LACC1: variants seen among roughly 807,000 people sequenced by gnomAD.
LACC1 encodes the protein laccase domain multifunctional purine nucleosidase 1, also known as purine nucleoside phosphorylase LACC1.
LACC1 carries 25 observed loss-of-function variants against 34.8 expected under a neutral mutation model. The ratio of observed to expected loss-of-function variants is 0.72; its 90% CI spans 0.52 to 1.00. The LOEUF (loss-of-function observed/expected upper bound fraction) is 1.00. Ranked by LOEUF, LACC1 falls within the 50% of genes least tolerant of loss-of-function variation. The probability of loss-of-function intolerance (pLI) is 0.00; values close to 1 mark genes in which losing one functional copy is unlikely to be tolerated. For synonymous variants in LACC1, 162 were observed against 168.0 expected, an observed-to-expected ratio of 0.96 and a Z score of 0.28; for missense variants, 426 against 511.2, an observed-to-expected ratio of 0.83 and a Z score of 1.61.
At chr13:43,887,383 T>C (rs1178742418) in intron 4 of LACC1, among the ~76,000 whole-genome samples, 2 of 152,128 alleles carry the variant, frequency 1.3e-5, no homozygotes, top group Admixed American at 6.6e-5. Context: ...GGGTACTCAT[T>C]ATTGGCCAAC....
rs776129054 is a variant in LACC1, at chr13:43,881,446, C to T, written c.461C>T (p.Ala154Val). The change falls in exon 2 of 7, where the codon GCT (alanine) becomes GTT (valine). Residue 154 changes from alanine (A) to valine (V), a missense_variant. Around this residue, in one of 2 missense-constraint regions of LACC1, gnomAD observed 217 missense variants for 210.9 expected, o/e 1.03. Transcript: ENST00000325686. The stretch of plus-strand genomic sequence containing the variant: ...TCCATTGAAATAAACGTAATCACAG[C>T]TCAAGAACTAAGAGGAATTCAGAAT... The part of the protein sequence containing the change: ...KQSIEINVIT[A>V]QELRGIQNEI... 1 of 1,613,964 alleles carries T rather than the reference C, an allele frequency of 6.2e-7. No individual in the cohort carries two copies. Among genetic ancestry groups the T allele is most frequent in the Admixed American group, 1.7e-5 (1 of 60,014 alleles).
Position 43,883,810 on chromosome 13 carries a change from G to C in LACC1, c.781G>C (p.Glu261Gln). 1 of 1,613,364 alleles carries C rather than the reference G, an allele frequency of 6.2e-7. No individual in the cohort carries two copies. Among genetic ancestry groups the C allele is most frequent in the Non-Finnish European group, 8.5e-7 (1 of 1,179,510 alleles). The part of the protein sequence containing the change: ...SNDIWIMGRK[E>Q]PDSYDGITTN... Reference sequence around the variant, plus strand: ...TGACATCTGGATTATGGGAAGAAAGGAGCCTGACTCTTATGATGGAATAAC... The same window carrying C: ...TGACATCTGGATTATGGGAAGAAAGCAGCCTGACTCTTATGATGGAATAAC... The change falls in exon 4 of 7, where the codon GAG becomes CAG. Residue 261 changes from glutamate to glutamine, a missense_variant. Transcript: ENST00000325686.
chr13:43,881,784 A>T (rs4942256), intron 2 of LACC1, among the ~76,000 whole-genome samples: 78,613 of 151,960 alleles, frequency 0.52, 20,787 homozygotes, highest in East Asian at 0.66. Context: ...AAATTTGATG[A>T]TGAGACAAAT....
chr13:43,881,526 A>G lies in LACC1; in HGVS notation c.541A>G (p.Ile181Val). Reference sequence around the variant, plus strand: ...AGCACTGAGAGGAAAATTAACTATTATCACTTCTTCTTTGATCCCAGGTAT... The same window carrying G: ...AGCACTGAGAGGAAAATTAACTATTGTCACTTCTTCTTTGATCCCAGGTAT... ...LPALRGKLTI[I>V]TSSLIPDIFI... Residue 181 changes from isoleucine (I) to valine (V), a missense_variant, in exon 2 of 7, where the codon ATC (isoleucine) becomes GTC (valine). Physicochemically the swap from Ile to Val is conservative, Grantham distance 29 (BLOSUM62 3). Transcript: ENST00000325686. 1 of 1,604,798 alleles carries G rather than the reference A, an allele frequency of 6.2e-7. No homozygotes were observed. Among genetic ancestry groups the G allele is most frequent in the Non-Finnish European group, 8.5e-7 (1 of 1,176,820 alleles).
chr13:43,886,117 G>A (rs748917640), intron 4 of LACC1, among the ~76,000 whole-genome samples: 3 of 152,196 alleles, frequency 2.0e-5, no homozygotes, highest in Non-Finnish European at 4.4e-5. Flanking sequence ...AGATGTTGGT[G>A]AGATTGTGGA....
intron 5 of LACC1, among the ~76,000 whole-genome samples, chr13:43,889,466 T>C: frequency 6.6e-6 from 1 of 152,214 alleles, no homozygotes; most frequent in Admixed American, 6.5e-5. Flanking sequence ...ATCTTTTAAT[T>C]TACAAGGTTT....
At position 43,892,170 on chromosome 13, in the gene LACC1, T is replaced by C. The variant is rs186071597; in HGVS notation, c.*723T>C. ...AGCTTGCAGTTTATTTTCCAGGCAA[T>C]GAGTAGGCAGCCAAAAAAAAAAAAG... On this transcript the variant is annotated 3_prime_UTR_variant, in exon 7 of 7. Coordinates refer to ENST00000325686, the MANE Select transcript of LACC1 (RefSeq NM_153218.4). The C allele has an allele frequency of 1.0e-4, 15 of 144,066 alleles. No individual in the cohort carries two copies. The East Asian group carries it at 2.2e-3, about 21-fold the overall frequency. The allele number at this position is 144,066 out of a possible 1,614,324, so 8.9% of individuals were successfully genotyped here.
chr13:43,881,984 T>C (rs1955089039), intron 2 of LACC1, among the ~76,000 whole-genome samples: 1 of 152,190 alleles, frequency 6.6e-6, no homozygotes, highest in Non-Finnish European at 1.5e-5. Flanking sequence ...AGACACAATA[T>C]ACCTTTTGAA....
At position 43,881,053 on chromosome 13, in the gene LACC1, C is replaced by T; in HGVS notation, c.68C>T (p.Thr23Ile). 1.2e-6 allele frequency: 2 copies of T among 1,614,134 alleles called. No individual in the cohort carries two copies. The highest frequency in any genetic ancestry group is 8.5e-7 in the Non-Finnish European group (1 of 1,180,010). ...KLNSQKNCHQTLLKTLNAVQY... is the reference protein window; with the variant it reads ...KLNSQKNCHQILLKTLNAVQY... Reference sequence around the variant, plus strand: ...AACTCTCAAAAAAACTGCCATCAGACATTACTGAAGACTTTGAATGCTGTC... The same window carrying T: ...AACTCTCAAAAAAACTGCCATCAGATATTACTGAAGACTTTGAATGCTGTC... The change falls in exon 2 of 7, where the codon ACA (threonine) becomes ATA (isoleucine). Residue 23 changes from threonine (T) to isoleucine (I), a missense_variant. Physicochemically the swap from Thr to Ile is moderately conservative, Grantham distance 89. Around this residue, in one of 2 missense-constraint regions of LACC1, gnomAD observed 217 missense variants for 210.9 expected, o/e 1.03. Transcript: ENST00000325686.
chr13:43,879,827 TGGGCGAGGTGAGGC>T (rs1954888943), upstream of LACC1: 1 of 52,380 alleles, frequency 1.9e-5, no homozygotes, highest in Non-Finnish European at 6.4e-5. Context: ...GTGGGCGAGG[TGGGCGAGGTGAGGC>T]GGGGCGGGTG....
At chr13:43,888,024 A>G (rs1361492347) in intron 4 of LACC1, among the ~76,000 whole-genome samples, 1 of 152,200 alleles carries the variant, frequency 6.6e-6, no homozygotes, top group Non-Finnish European at 1.5e-5. Flanking sequence ...ATTATTCGCA[A>G]TAGCCAAAAG....
chr13:43,888,104 T>C (rs61643110), intron 4 of LACC1, among the ~76,000 whole-genome samples: 7,024 of 152,214 alleles, frequency 0.046, 336 homozygotes, highest in African/African-American at 0.11. Flanking sequence ...AATGGAATAT[T>C]ATTTAGCTTT....
At position 43,882,222 on chromosome 13, in the gene LACC1, G is replaced by T; in HGVS notation, c.600G>T (p.Gly200=). ...FIHGFTTRTG[G]ISYIPTLSSF... ...ATGGATTTACTACAAGAACAGGTGG[G>T]ATATCTTATATACCAACTCTTAGCT... Residue 200 remains glycine, a synonymous_variant, in exon 3 of 7, where the codon GGG becomes GGT. Coordinates refer to ENST00000325686, the MANE Select transcript of LACC1 (RefSeq NM_153218.4). 2 of 1,608,932 alleles carry T rather than the reference G, an allele frequency of 1.2e-6. No individual in the cohort carries two copies. The highest frequency in any genetic ancestry group is 1.7e-4 in the Middle Eastern group (1 of 6,044).
chr13:43,889,030 C>A, intron 5 of LACC1, 48 bp downstream of exon 5: 1 of 1,456,680 alleles, frequency 6.9e-7, no homozygotes, highest in South Asian at 1.2e-5. Context: ...TCTGATTGTT[C>A]TAAAATGAAA....
rs748997519 is a variant in LACC1, at chr13:43,882,342, G to A, written c.720G>A (p.Val240=). 6.2e-7 allele frequency: 1 copy of A among 1,606,404 alleles called. No homozygotes were observed. The highest frequency in any genetic ancestry group is 8.5e-7 in the Non-Finnish European group (1 of 1,177,792). ...TGGCGAATGCTGCAGGATTTAATGT[G>A]GAGAAATTTTACCGAATAAAGGTAA... ...RRLANAAGFN[V]EKFYRIKTHH... is the part of the protein sequence containing the mutation. The change falls in exon 3 of 7, where the codon GTG becomes GTA. Residue 240 remains valine, a synonymous_variant. Coordinates refer to ENST00000325686, the MANE Select transcript of LACC1 (RefSeq NM_153218.4).
chr13:43,887,097 A>G (rs1028031323), intron 4 of LACC1, among the ~76,000 whole-genome samples: 1 of 152,158 alleles, frequency 6.6e-6, no homozygotes, highest in Admixed American at 6.5e-5. Context: ...GAAAATCATT[A>G]TGTCAAAAAC....
intron 5 of LACC1, 73 bp from the exon 6 acceptor site, chr13:43,890,041 T>C: frequency 1.5e-6 from 2 of 1,319,696 alleles, no homozygotes; most frequent in Non-Finnish European, 2.1e-6. Flanking sequence ...CCAACATCCA[T>C]ACTTTTTTTC....
chr13:43,880,201 C>G (rs1319936705), intron 1 of LACC1, 82 bp downstream of exon 1: 1 of 152,256 alleles, frequency 6.6e-6, no homozygotes, highest in Non-Finnish European at 1.5e-5. Flanking sequence ...GTCACCCACT[C>G]AAAACTGGCT....
chr13:43,888,336 C>T (rs1007071929), intron 4 of LACC1, among the ~76,000 whole-genome samples: 3 of 152,124 alleles, frequency 2.0e-5, no homozygotes, highest in Admixed American at 6.6e-5. Flanking sequence ...TGTAGAGTTT[C>T]CATTTTATCA....
Sources: gnomAD v4.1 joint callset for allele counts (sites outside exome capture counted in the v4.1 genomes callset) on GRCh38, gnomAD v4.1.1 for gene constraint, gnomAD v4.1.1 regional missense constraint, MANE v1.5 for transcripts, NCBI Gene and HGNC (gene_info 2026-07-23, HGNC 2026-07-21) for gene names.